The following CFAP161 variants were observed in gnomAD, a reference collection of about 807,000 sequenced individuals.
CFAP161 encodes cilia- and flagella-associated protein 161.
A neutral mutation model predicts 29.0 loss-of-function variants in CFAP161; 25 were observed. The observed-to-expected ratio is 0.86, with a 90% CI of 0.63 to 1.20. The LOEUF (loss-of-function observed/expected upper bound fraction) is 1.20, where lower values mean the gene tolerates loss of function less well. Among genes scored for constraint, CFAP161 ranks in the 50% most tolerant of loss-of-function variants. The pLI, the probability that CFAP161 is intolerant of heterozygous loss-of-function variation, is 0.00. For missense variants in CFAP161, 367 were observed against 371.9 expected (o/e 0.99, Z 0.11); for synonymous variants, 116 against 137.4 (o/e 0.84, Z 1.09).
chr15:81,118,446 A>AG (rs1894527694), intron 1 of CFAP161: 1 of 192,876 alleles, frequency 5.2e-6, no homozygotes, highest in Admixed American at 6.2e-5. Context: ...CAGCCACCTG[A>AG]GGGCACGAAA....
chr15:81,115,864 T>C (rs981683626), intron 1 of CFAP161, among the ~76,000 whole-genome samples: 1 of 151,672 alleles, frequency 6.6e-6, no homozygotes, highest in African/African-American at 2.4e-5. Context: ...TTTTTTTTTT[T>C]TTTAACAGAG....
intron 1 of CFAP161, among the ~76,000 whole-genome samples, chr15:81,116,290 T>C (rs1894496613): frequency 6.6e-6 from 1 of 152,138 alleles, no homozygotes; most frequent in Admixed American, 6.5e-5. Context: ...AAAAATTTTA[T>C]TTTATTAAGA....
intron 1 of CFAP161, among the ~76,000 whole-genome samples, chr15:81,108,314 A>G (rs1045736639): frequency 6.6e-6 from 1 of 151,226 alleles, no homozygotes; most frequent in South Asian, 2.1e-4. Flanking sequence ...TTTTATTTAT[A>G]TTTTTCTGAA....
At chr15:81,135,613 G>A (rs149057665) in intron 2 of CFAP161, among the ~76,000 whole-genome samples, 1,852 of 149,004 alleles carry the variant, frequency 0.012, 41 homozygotes, top group African/African-American at 0.041. Flanking sequence ...GAGAATATGC[G>A]GTGTTTGGTT....
chr15:81,129,946 T>C (rs1278298152), upstream of CFAP161, among the ~76,000 whole-genome samples: 2 of 97,088 alleles, frequency 2.1e-5, no homozygotes, highest in African/African-American at 1.4e-4. Context: ...AATGTAAGGC[T>C]TTTTTTTTTT....
intron 1 of CFAP161, among the ~76,000 whole-genome samples, chr15:81,124,472 C>CT (rs141509648): frequency 2.6e-5 from 4 of 151,736 alleles, no homozygotes; most frequent in East Asian, 3.9e-4. Context: ...ATGAAGTTTT[C>CT]TTTTTTTTGT....
At chr15:81,133,210 TATATATATATATATG>T (rs1474841613), upstream of CFAP161, among the ~76,000 whole-genome samples, 995 of 54,426 alleles carry the variant, frequency 0.018, 46 homozygotes, top group Admixed American at 0.031. Flanking sequence ...TATATATATA[TATATATATATATATG>T]TATTTTTTTT....
intron 1 of CFAP161, among the ~76,000 whole-genome samples, chr15:81,113,778 A>C (rs1179747335): frequency 6.6e-6 from 1 of 152,142 alleles, no homozygotes; most frequent in Admixed American, 6.5e-5. Context: ...GTTCTCTCAG[A>C]GCTTAATCTC....
intron 1 of CFAP161, among the ~76,000 whole-genome samples, chr15:81,104,888 A>G (rs140810165): frequency 3.1e-4 from 47 of 152,230 alleles, no homozygotes; most frequent in Non-Finnish European, 6.5e-4. Flanking sequence ...ATTGCCACAA[A>G]CTTGGTGGGT....
At chr15:81,140,137 C>T (rs1331235306) in intron 4 of CFAP161, among the ~76,000 whole-genome samples, 1 of 152,008 alleles carries the variant, frequency 6.6e-6, no homozygotes, top group Admixed American at 6.6e-5. Flanking sequence ...CCATTGATTA[C>T]TAAATTTTGT....
upstream of CFAP161, among the ~76,000 whole-genome samples, chr15:81,130,902 T>C (rs1444109780): frequency 6.6e-6 from 1 of 152,112 alleles, no homozygotes; most frequent in Non-Finnish European, 1.5e-5. Context: ...CTAACATTTA[T>C]TGATTGGATT....
At chr15:81,112,984 G>A (rs1284077616) in intron 1 of CFAP161, among the ~76,000 whole-genome samples, 2 of 152,170 alleles carry the variant, frequency 1.3e-5, no homozygotes, top group African/African-American at 4.8e-5. Flanking sequence ...GGCTTTGAGA[G>A]TTTTTGAGGA....
chr15:81,109,973 C>A (rs192809983), intron 1 of CFAP161, among the ~76,000 whole-genome samples: 31 of 152,164 alleles, frequency 2.0e-4, no homozygotes, highest in Non-Finnish European at 3.4e-4. Context: ...TTTTTCCACC[C>A]AAATTTCTGC....
At chr15:81,105,120 C>CCTCT (rs1894348532) in intron 1 of CFAP161, among the ~76,000 whole-genome samples, 1 of 22,174 alleles carries the variant, frequency 4.5e-5, no homozygotes, top group African/African-American at 1.1e-4. Flanking sequence ...CTTTCTCCCC[C>CCTCT]ATACCTTTCT....
At chr15:81,125,957 T>C (rs1415615772) in intron 1 of CFAP161, among the ~76,000 whole-genome samples, 2 of 152,150 alleles carry the variant, frequency 1.3e-5, no homozygotes, top group African/African-American at 4.8e-5. Context: ...GCAACCTCCG[T>C]CTCCCGGGTT....
intron 4 of CFAP161, among the ~76,000 whole-genome samples, chr15:81,140,033 C>T (rs1432857549): frequency 6.6e-6 from 1 of 152,106 alleles, no homozygotes; most frequent in African/African-American, 2.4e-5. Context: ...CTTATCTCTT[C>T]CTTTCTCTCT....
At chr15:81,110,404 C>A (rs945260314) in intron 1 of CFAP161, among the ~76,000 whole-genome samples, 1 of 152,126 alleles carries the variant, frequency 6.6e-6, no homozygotes, top group African/African-American at 2.4e-5. Context: ...CTCCCTCCAT[C>A]CCCTTTATGC....
chr15:81,110,721 G>A (rs1001248664), intron 1 of CFAP161, among the ~76,000 whole-genome samples: 2 of 152,174 alleles, frequency 1.3e-5, no homozygotes, highest in African/African-American at 4.8e-5. Flanking sequence ...TATTACCCAA[G>A]TGGTCAGCTT....
intron 5 of CFAP161, among the ~76,000 whole-genome samples, chr15:81,144,292 A>T (rs12050747): frequency 0.039 from 5,953 of 152,292 alleles, 182 homozygotes; most frequent in East Asian, 0.17. Context: ...TCCGCTAAGT[A>T]CTATTTTTTA....
Sources: gnomAD v4.1 joint callset for allele counts (sites outside exome capture counted in the v4.1 genomes callset) on GRCh38, gnomAD v4.1.1 for gene constraint, MANE v1.5 for transcripts, NCBI Gene and HGNC (gene_info 2026-07-23, HGNC 2026-07-21) for gene names.